GREB1L: variants seen among roughly 807,000 people sequenced by gnomAD.
GREB1L encodes the protein GREB1 like retinoic acid receptor coactivator.
In GREB1L, 17 loss-of-function variants were observed where a neutral mutation model predicts 200.8. The ratio of observed to expected loss-of-function variants is 0.08; its 90% confidence interval spans 0.06 to 0.13. GREB1L has a LOEUF of 0.13. Ranked by LOEUF, GREB1L falls within the 10% of genes least tolerant of loss-of-function variation. The pLI, the probability that GREB1L is intolerant of heterozygous loss-of-function variation, is 1.00. For synonymous variants in GREB1L, 789 were observed against 893.0 expected, an observed-to-expected ratio of 0.88 and a Z score of 2.08; for missense variants, 1,657 against 2,367.7, an observed-to-expected ratio of 0.70 and a Z score of 6.23.
chr18:21,466,552 A>G (rs1179079734), intron 15 of GREB1L, among the ~76,000 whole-genome samples: 1 of 152,186 alleles, frequency 6.6e-6, no homozygotes, highest in Non-Finnish European at 1.5e-5. Context: ...TTGACAAAAG[A>G]AGTGCAAAGC....
intron 1 of GREB1L, among the ~76,000 whole-genome samples, chr18:21,345,332 G>T (rs1043695612): frequency 6.6e-6 from 1 of 152,154 alleles, no homozygotes; most frequent in African/African-American, 2.4e-5. Context: ...CCTGAAAAAA[G>T]AACTACTCTG....
chr18:21,472,952 A>G (rs1342860223), intron 15 of GREB1L, 79 bp from the exon 16 acceptor site: 14 of 1,002,062 alleles, frequency 1.4e-5, no homozygotes, highest in Admixed American at 3.2e-5. Context: ...GTCAGCTGAC[A>G]ATGAACTCAA....
chr18:21,476,263 C>A (rs1435147446), intron 16 of GREB1L, among the ~76,000 whole-genome samples: 2 of 152,076 alleles, frequency 1.3e-5, no homozygotes, highest in Non-Finnish European at 2.9e-5. Flanking sequence ...AGGGAAATGT[C>A]AGAATTGCAA....
intron 1 of GREB1L, among the ~76,000 whole-genome samples, chr18:21,306,071 A>C (rs1260196831): frequency 2.0e-5 from 3 of 152,082 alleles, no homozygotes; most frequent in Non-Finnish European, 2.9e-5. Flanking sequence ...CACTATCTAA[A>C]ATTCTCATTG....
chr18:21,383,605 T>C lies in GREB1L; in HGVS notation c.87T>C (p.Ser29=), dbSNP rs1464729834. The change falls in exon 3 of 33, where the codon AGT becomes AGC. Residue 29 remains serine, a synonymous_variant. Transcript: ENST00000424526. ...HNSIEASLRC[S]SVVPRPIFSQ... is the part of the protein sequence containing the mutation. The stretch of plus-strand genomic sequence containing the variant: ...CCATAGAAGCCTCCCTCAGATGTAG[T>C]AGTGTGGTACCACGGCCAATTTTTT... The C allele has an allele frequency of 6.4e-7, 1 of 1,551,174 alleles. No individual in the cohort carries two copies. Among genetic ancestry groups the C allele is most frequent in the African/African-American group, 1.4e-5 (1 of 73,020 alleles).
At chr18:21,302,587 C>G (rs1425798632) in intron 1 of GREB1L, among the ~76,000 whole-genome samples, 2 of 152,190 alleles carry the variant, frequency 1.3e-5, no homozygotes, top group Non-Finnish European at 2.9e-5. Context: ...CTCAGGCACA[C>G]TGGGACATAG....
At chr18:21,345,600 C>T (rs536803920) in intron 1 of GREB1L, among the ~76,000 whole-genome samples, 3 of 152,112 alleles carry the variant, frequency 2.0e-5, no homozygotes, top group Non-Finnish European at 2.9e-5. Context: ...AGGCCAGGTG[C>T]GGTGGCTCAC....
intron 31 of GREB1L, among the ~76,000 whole-genome samples, chr18:21,518,471 G>A (rs1207173565): frequency 1.3e-5 from 2 of 152,108 alleles, no homozygotes; most frequent in African/African-American, 2.4e-5. Context: ...CCCTCCCCAT[G>A]CCTATTTTAT....
chr18:21,515,703 C>T (rs977143476), intron 29 of GREB1L, 59 bp downstream of exon 29: 6 of 1,203,062 alleles, frequency 5.0e-6, no homozygotes, highest in South Asian at 1.4e-5. Context: ...TTCTGCCCAG[C>T]TCTAGCCTCT....
Position 21,522,850 on chromosome 18 carries a change from G to T in GREB1L, c.*29G>T. 6.6e-7 allele frequency: 1 copy of T among 1,524,530 alleles called. No homozygotes were observed. The highest frequency in any genetic ancestry group is 1.3e-5 in the South Asian group (1 of 79,938). 94.4% of individuals were successfully genotyped at this position (1,524,530 alleles called of 1,614,324 possible). On this transcript the variant is annotated 3_prime_UTR_variant, in exon 33 of 33. Transcript: ENST00000424526. ...TTTGAAGAGACCAAAACAGCAAAAA[G>T]ATGCCTAGGTGGGATGGGACAGAAA... is the stretch of plus-strand genomic sequence containing the variant.
At chr18:21,471,838 C>T (rs2035497292) in intron 15 of GREB1L, among the ~76,000 whole-genome samples, 1 of 152,116 alleles carries the variant, frequency 6.6e-6, no homozygotes, top group Non-Finnish European at 1.5e-5. Flanking sequence ...CCAAGCTGGT[C>T]TGGAACTCCT....
intron 6 of GREB1L, among the ~76,000 whole-genome samples, 175 bp from the exon 7 acceptor site, chr18:21,403,697 G>A (rs2041411216): frequency 6.6e-6 from 1 of 152,180 alleles, no homozygotes; most frequent in African/African-American, 2.4e-5. Flanking sequence ...AAAGCATTGT[G>A]TTCACTAGTT....
At chr18:21,264,633 C>T (rs950850641) in intron 1 of GREB1L, among the ~76,000 whole-genome samples, 1 of 152,046 alleles carries the variant, frequency 6.6e-6, no homozygotes, top group East Asian at 1.9e-4. Flanking sequence ...GGGACTAGTT[C>T]GAGGTAGAGG....
At chr18:21,491,149 A>G (rs2036317783) in intron 19 of GREB1L, among the ~76,000 whole-genome samples, 1 of 152,136 alleles carries the variant, frequency 6.6e-6, no homozygotes, top group South Asian at 2.1e-4. Flanking sequence ...CATTTAATCA[A>G]ATATCCACCT....
intron 7 of GREB1L, among the ~76,000 whole-genome samples, chr18:21,410,323 T>A (rs1223455931): frequency 6.6e-6 from 1 of 152,062 alleles, no homozygotes; most frequent in African/African-American, 2.4e-5. Context: ...CAAATTATGT[T>A]TTATAACTGT....
intron 1 of GREB1L, among the ~76,000 whole-genome samples, chr18:21,246,124 G>A (rs958654605): frequency 3.3e-5 from 5 of 152,012 alleles, no homozygotes; most frequent in Non-Finnish European, 7.4e-5. Context: ...GTATAATGTA[G>A]TTGTAAATGG....
intron 1 of GREB1L, chr18:21,363,557 G>C (rs973033983): frequency 6.6e-6 from 1 of 152,000 alleles, no homozygotes; most frequent in Non-Finnish European, 1.5e-5. Flanking sequence ...AGTTCCTGGA[G>C]GTGATGTTAT....
At chr18:21,453,140 A>C (rs2034604026) in intron 14 of GREB1L, among the ~76,000 whole-genome samples, 1 of 152,348 alleles carries the variant, frequency 6.6e-6, no homozygotes, top group Admixed American at 6.5e-5. Flanking sequence ...TCCGGAGTAC[A>C]TTCTTGGTTC....
chr18:21,493,257 TG>T (rs2036411257), intron 19 of GREB1L, among the ~76,000 whole-genome samples: 1 of 152,232 alleles, frequency 6.6e-6, no homozygotes, highest in Admixed American at 6.5e-5. Flanking sequence ...TGTTATGTAT[TG>T]TGGTTAACTT....
Sources: gnomAD v4.1 joint callset for allele counts (sites outside exome capture counted in the v4.1 genomes callset) on GRCh38, gnomAD v4.1.1 for gene constraint, MANE v1.5 for transcripts, NCBI Gene and HGNC (gene_info 2026-07-23, HGNC 2026-07-21) for gene names.